The following SH3PXD2A variants were observed in gnomAD, a reference collection of about 807,000 sequenced individuals.
SH3PXD2A encodes the protein SH3 and PX domains 2A, also known as SH3 and PX domain-containing protein 2A.
SH3PXD2A carries 32 observed loss-of-function variants against 115.2 expected under a neutral mutation model. The ratio of observed to expected loss-of-function variants is 0.28; its 90% CI spans 0.21 to 0.37. SH3PXD2A has a LOEUF of 0.37. Among genes scored for constraint, SH3PXD2A ranks in the 10% least tolerant of loss-of-function variants. The pLI, the probability that SH3PXD2A is intolerant of heterozygous loss-of-function variation, is 1.00. For synonymous variants in SH3PXD2A, 610 were observed against 629.1 expected (o/e 0.97, Z 0.45); for missense variants, 1,328 against 1,498.7 (o/e 0.89, Z 1.88).
In SH3PXD2A at chr10:103,784,437, C is replaced by T. The variant is rs1285758437; in HGVS notation, c.153+16845G>A. 6.6e-6 allele frequency among the ~76,000 whole-genome samples: 1 copy of T among 152,198 alleles called. No individual in the cohort carries two copies. The highest frequency in any genetic ancestry group is 2.4e-5 in the African/African-American group (1 of 41,424). On this transcript the variant is annotated intron_variant, in intron 2 of 14. Transcript: ENST00000369774. This position sits in a 1 kb window ranked among gnomAD's most constrained non-coding sequence, Gnocchi z 4.4. ...CAGGAGGAAGGGAATGTAGCATTGA[C>T]CAGACACCTCTTCTATCTGCACCAT...
rs915576297 is a variant in SH3PXD2A, at chr10:103,730,228, G to A, written c.306+5504C>T. ...TTCAGCAGCATCAGTTTCTTTTCTCGTTTCTTTTTTTTTTTTTTTTTTTGC... is the reference window on the plus strand; with the variant it reads ...TTCAGCAGCATCAGTTTCTTTTCTCATTTCTTTTTTTTTTTTTTTTTTTGC... On this transcript the variant is annotated intron_variant, in intron 4 of 14. Transcript: ENST00000369774. Among the ~76,000 whole-genome samples, 19 of 112,488 alleles carry A rather than the reference G, an allele frequency of 1.7e-4. No homozygotes were observed. The East Asian group carries it at 3.2e-3, about 19-fold the overall frequency. The allele number at this position is 112,488 out of a possible 152,430, so 73.8% of individuals were successfully genotyped here.
chr10:103,728,897 G>GTTTTT (rs57283527), intron 4 of SH3PXD2A, among the ~76,000 whole-genome samples: 14 of 135,914 alleles, frequency 1.0e-4, no homozygotes, highest in African/African-American at 2.2e-4. Flanking sequence ...TTGTTTGTTT[G>GTTTTT]TTTTTTTTTT....
At chr10:103,786,353 C>T (rs545340609) in intron 2 of SH3PXD2A, among the ~76,000 whole-genome samples, 1 of 152,260 alleles carries the variant, frequency 6.6e-6, no homozygotes, top group South Asian at 2.1e-4. Flanking sequence ...CCTGAGTACC[C>T]TCATCTCTTT....
chr10:103,849,700 C>A (rs1306827453), intron 1 of SH3PXD2A, among the ~76,000 whole-genome samples: 1 of 152,232 alleles, frequency 6.6e-6, no homozygotes, highest in East Asian at 1.9e-4. Flanking sequence ...TCTGGAAGCC[C>A]TGATCACTCT....
intron 9 of SH3PXD2A, among the ~76,000 whole-genome samples, chr10:103,626,729 C>T (rs2036701557): frequency 1.3e-5 from 2 of 150,878 alleles, no homozygotes; most frequent in Admixed American, 6.6e-5. Flanking sequence ...GAGTTTGAGA[C>T]CAGCCTGGCC....
At chr10:103,730,103 A>G (rs1008077403) in intron 4 of SH3PXD2A, among the ~76,000 whole-genome samples, 1 of 152,002 alleles carries the variant, frequency 6.6e-6, no homozygotes, top group Non-Finnish European at 1.5e-5. Context: ...AGAGCCCACC[A>G]CTCTGGGTAA....
intron 2 of SH3PXD2A, among the ~76,000 whole-genome samples, chr10:103,793,607 A>G (rs1412647837): frequency 6.6e-6 from 1 of 152,208 alleles, no homozygotes; most frequent in African/African-American, 2.4e-5. Flanking sequence ...CCTCTGTCTA[A>G]GGCATGTGAG....
chr10:103,808,252 T>A (rs1350201067), intron 1 of SH3PXD2A, among the ~76,000 whole-genome samples: 5 of 148,828 alleles, frequency 3.4e-5, no homozygotes, highest in African/African-American at 5.1e-5. Flanking sequence ...ACCCCTCTTT[T>A]TTTTTCTTTT....
chr10:103,630,487 C>T (rs989833976), intron 8 of SH3PXD2A, among the ~76,000 whole-genome samples: 1 of 152,146 alleles, frequency 6.6e-6, no homozygotes, highest in Non-Finnish European at 1.5e-5. Flanking sequence ...CCAAGCAAAG[C>T]CACTCAGGGG....
chr10:103,798,354 G>C (rs1288748282), intron 2 of SH3PXD2A, among the ~76,000 whole-genome samples: 2 of 152,242 alleles, frequency 1.3e-5, no homozygotes, highest in South Asian at 2.1e-4. Context: ...CTGTCACCCA[G>C]GCTGGAGTGC....
At chr10:103,617,440 T>C in intron 10 of SH3PXD2A, 126 bp from the exon 11 acceptor site, 1 of 681,406 alleles carries the variant, frequency 1.5e-6, no homozygotes, top group Non-Finnish European at 2.6e-6. Flanking sequence ...CTGGGTTGGC[T>C]CTGGCTTCTC....
chr10:103,704,975 C>T (rs758779316), intron 5 of SH3PXD2A, among the ~76,000 whole-genome samples: 4 of 152,136 alleles, frequency 2.6e-5, no homozygotes, highest in Non-Finnish European at 5.9e-5. Flanking sequence ...ACAGGACAAG[C>T]CTGTGTCCTG....
intron 2 of SH3PXD2A, among the ~76,000 whole-genome samples, chr10:103,794,875 G>A (rs1361096941): frequency 1.3e-5 from 2 of 152,230 alleles, no homozygotes; most frequent in South Asian, 2.1e-4. Flanking sequence ...AGAAGTGTTT[G>A]GAATAGCCGC....
chr10:103,820,734 G>A (rs896656136), intron 1 of SH3PXD2A, among the ~76,000 whole-genome samples: 6 of 152,068 alleles, frequency 3.9e-5, no homozygotes, highest in South Asian at 2.1e-4. Flanking sequence ...GATAAGGGGC[G>A]GGGGGGTTGG....
intron 11 of SH3PXD2A, 96 bp downstream of exon 11, chr10:103,617,101 T>A (rs916899428): frequency 4.0e-5 from 32 of 802,098 alleles, no homozygotes; most frequent in Admixed American, 7.1e-5. Flanking sequence ...AAGCTGTCAG[T>A]ATCTACCTGC....
At chr10:103,832,529 T>G (rs2039492323) in intron 1 of SH3PXD2A, among the ~76,000 whole-genome samples, 1 of 152,192 alleles carries the variant, frequency 6.6e-6, no homozygotes, top group East Asian at 1.9e-4. Flanking sequence ...ATAGACTGGA[T>G]TAAGAAGATG....
intron 13 of SH3PXD2A, among the ~76,000 whole-genome samples, chr10:103,610,802 G>C (rs943411028): frequency 1.3e-5 from 2 of 152,198 alleles, no homozygotes; most frequent in African/African-American, 4.8e-5. Flanking sequence ...TGTCCCGTCT[G>C]ATAAATAAGG....
At chr10:103,697,096 C>T (rs1010637052) in intron 5 of SH3PXD2A, among the ~76,000 whole-genome samples, 1 of 152,116 alleles carries the variant, frequency 6.6e-6, no homozygotes, top group Non-Finnish European at 1.5e-5. Flanking sequence ...TGAGCAGGTT[C>T]TGGAGACGGA....
chr10:103,818,435 G>T (rs973053787), intron 1 of SH3PXD2A, among the ~76,000 whole-genome samples: 3 of 152,222 alleles, frequency 2.0e-5, no homozygotes, highest in African/African-American at 7.2e-5. Context: ...GAGAAAGGCT[G>T]ACTTTAAGAG....
Sources: allele counts gnomAD v4.1 joint callset (sites outside exome capture counted in the v4.1 genomes callset), GRCh38; gene constraint gnomAD v4.1.1; non-coding constraint Gnocchi (gnomAD v3.1); transcripts MANE v1.5; gene names NCBI Gene and HGNC (gene_info 2026-07-23, HGNC 2026-07-21).